Variants in ATG10 observed in about 807,000 individuals in gnomAD.
ATG10 encodes the protein autophagy related 10.
Under a neutral mutation model 32.1 loss-of-function variants are expected in ATG10, and 30 were observed. The ratio of observed to expected loss-of-function variants is 0.94; its 90% CI spans 0.70 to 1.27. The LOEUF is 1.27. Among genes scored for constraint, ATG10 ranks in the 50% most tolerant of loss-of-function variants. The pLI, the probability that ATG10 is intolerant of heterozygous loss-of-function variation, is 0.00. For missense variants in ATG10, 233 were observed against 262.3 expected (o/e 0.89, Z 0.77); for synonymous variants, 87 against 91.5 (o/e 0.95, Z 0.28).
At chr5:82,058,850 C>T (rs1763683071) in intron 3 of ATG10, among the ~76,000 whole-genome samples, 1 of 152,016 alleles carries the variant, frequency 6.6e-6, no homozygotes, top group Non-Finnish European at 1.5e-5. Context: ...AGGTATTTTC[C>T]TTTGTAATAC....
chr5:82,139,055 GC>G (rs900364749), intron 3 of ATG10, among the ~76,000 whole-genome samples: 5 of 149,706 alleles, frequency 3.3e-5, no homozygotes, highest in African/African-American at 9.9e-5. Flanking sequence ...TGTTGGCCGG[GC>G]CGGTCTCCAG....
At chr5:82,052,880 T>C (rs1564890) in intron 2 of ATG10, among the ~76,000 whole-genome samples, 150,208 of 152,270 alleles carry the variant, frequency 0.99, 74,114 homozygotes, top group Middle Eastern at 1. Flanking sequence ...TTAGCCAATC[T>C]TCACTGATGG....
At chr5:82,050,621 G>T (rs773658314) in intron 2 of ATG10, among the ~76,000 whole-genome samples, 33 of 151,744 alleles carry the variant, frequency 2.2e-4, no homozygotes, top group Non-Finnish European at 4.3e-4. Flanking sequence ...ATAATTCTCT[G>T]TACTATAATA....
intron 2 of ATG10, among the ~76,000 whole-genome samples, chr5:82,043,885 C>T (rs1763159325): frequency 6.6e-6 from 1 of 152,152 alleles, no homozygotes. Context: ...CAACAAGTCT[C>T]TAGGAAGTTC....
At chr5:82,159,817 C>G (rs1450043915) in intron 3 of ATG10, among the ~76,000 whole-genome samples, 3 of 152,098 alleles carry the variant, frequency 2.0e-5, no homozygotes, top group African/African-American at 4.8e-5. Flanking sequence ...TTTTAACAAG[C>G]CTCAAATTGC....
chr5:82,160,548 T>C (rs1442220565), intron 3 of ATG10, among the ~76,000 whole-genome samples: 1 of 152,192 alleles, frequency 6.6e-6, no homozygotes, highest in Non-Finnish European at 1.5e-5. Context: ...GTGGTAATTA[T>C]ATGTTTACTT....
intron 4 of ATG10, among the ~76,000 whole-genome samples, chr5:82,166,214 T>C (rs1377290326): frequency 1.3e-5 from 2 of 152,180 alleles, no homozygotes; most frequent in Admixed American, 1.3e-4. Flanking sequence ...TCTATTCTTT[T>C]AAAAAAACAC....
In ATG10 at chr5:82,150,096, G is replaced by C. The variant is rs540451164; in HGVS notation, c.217-14303G>C. On this transcript the variant is annotated intron_variant, in intron 3 of 7. Coordinates refer to ENST00000282185, the MANE Select transcript of ATG10 (RefSeq NM_031482.5). ...TTTTTATGATACACCTATTGCTGTG[G>C]GTATAGTGCTCTAAAAACATCTGCT... Among the ~76,000 whole-genome samples, 4 of 152,096 alleles carry C rather than the reference G, an allele frequency of 2.6e-5. No individual in the cohort carries two copies. The South Asian group carries it at 8.3e-4, about 32-fold the overall frequency.
intron 5 of ATG10, among the ~76,000 whole-genome samples, chr5:82,185,372 A>G (rs1166085501): frequency 6.6e-6 from 1 of 152,200 alleles, no homozygotes; most frequent in African/African-American, 2.4e-5. Flanking sequence ...TTGGAGGGAT[A>G]AAAGTGGGAA....
At chr5:82,011,581 T>C (rs1762128493) in intron 2 of ATG10, among the ~76,000 whole-genome samples, 1 of 152,362 alleles carries the variant, frequency 6.6e-6, no homozygotes, top group Middle Eastern at 3.4e-3. Flanking sequence ...ATTATTCTTT[T>C]GAGCCTGGCT....
intron 2 of ATG10, among the ~76,000 whole-genome samples, chr5:81,990,920 CTAAT>C (rs958592309): frequency 1.3e-5 from 2 of 152,186 alleles, no homozygotes; most frequent in Non-Finnish European, 2.9e-5. Context: ...ATGTTGGCAA[CTAAT>C]TAAAAAAGAT....
At chr5:82,219,015 T>C (rs1051745308) in intron 5 of ATG10, among the ~76,000 whole-genome samples, 2 of 152,212 alleles carry the variant, frequency 1.3e-5, no homozygotes, top group Non-Finnish European at 2.9e-5. Context: ...TAAGGAACCG[T>C]CGCTAATGCT....
chr5:82,186,203 T>C (rs1744438147), intron 5 of ATG10, among the ~76,000 whole-genome samples: 1 of 152,244 alleles, frequency 6.6e-6, no homozygotes, highest in South Asian at 2.1e-4. Flanking sequence ...ACTACAGATA[T>C]CATGTGATTG....
intron 2 of ATG10, among the ~76,000 whole-genome samples, chr5:82,027,866 C>T (rs1031035768): frequency 3.3e-5 from 5 of 152,068 alleles, no homozygotes; most frequent in Admixed American, 2.0e-4. Context: ...GGAAAAGTTA[C>T]GAGTTGAAGA....
intron 5 of ATG10, among the ~76,000 whole-genome samples, chr5:82,196,866 G>A (rs901950730): frequency 1.3e-5 from 2 of 151,992 alleles, no homozygotes; most frequent in African/African-American, 4.8e-5. Flanking sequence ...GATTGTTTTC[G>A]CTAGCTTTGG....
At chr5:82,122,777 A>G (rs1399209638) in intron 3 of ATG10, among the ~76,000 whole-genome samples, 2 of 152,214 alleles carry the variant, frequency 1.3e-5, no homozygotes, top group Non-Finnish European at 2.9e-5. Flanking sequence ...GTCTCTGATC[A>G]TTAGAGAAAT....
chr5:82,247,273 A>G (rs1747076126), intron 5 of ATG10, among the ~76,000 whole-genome samples: 1 of 152,118 alleles, frequency 6.6e-6, no homozygotes, highest in African/African-American at 2.4e-5. Context: ...GATTATCTGT[A>G]TTCTGGTACA....
chr5:82,205,217 C>T (rs1745244378), intron 5 of ATG10, among the ~76,000 whole-genome samples: 1 of 152,158 alleles, frequency 6.6e-6, no homozygotes, highest in Non-Finnish European at 1.5e-5. Context: ...ACAACAACGT[C>T]ATTTGTGTAC....
At position 82,121,536 on chromosome 5, in the gene ATG10, G is replaced by A. The variant is rs534324778; in HGVS notation, c.217-42863G>A. On this transcript the variant is annotated intron_variant, in intron 3 of 7. Transcript: ENST00000282185. ...GTGAGAGAGGGCATCCTTGTCTTGT[G>A]CTGGTTTTCAAGAGGAATGATTCCA... Among the ~76,000 whole-genome samples the A allele has an allele frequency of 7.3e-4, 111 of 152,290 alleles. 2 individuals are homozygous for A. The highest frequency in any genetic ancestry group is 2.5e-3 in the African/African-American group (105 of 41,560).
Sources: allele counts gnomAD v4.1 joint callset (sites outside exome capture counted in the v4.1 genomes callset), GRCh38; gene constraint gnomAD v4.1.1; transcripts MANE v1.5; gene names NCBI Gene and HGNC (gene_info 2026-07-23, HGNC 2026-07-21).